Variants in CTSK observed in about 807,000 individuals in gnomAD.
The protein encoded by CTSK is cathepsin O.
In CTSK, 26 loss-of-function variants were observed where a neutral mutation model predicts 40.5. The observed-to-expected ratio is 0.64, with a 90% CI of 0.47 to 0.89. The LOEUF is 0.89. Among genes scored for constraint, CTSK ranks in the 40% least tolerant of loss-of-function variants. CTSK has a pLI of 0.00. For synonymous variants in CTSK, 132 were observed against 143.2 expected (o/e 0.92, Z 0.56); for missense variants, 292 against 400.1 (o/e 0.73, Z 2.30).
At chr1:150,803,608 T>C (rs1557825693) in intron 5 of CTSK, among the ~76,000 whole-genome samples, 3 of 152,208 alleles carry the variant, frequency 2.0e-5, no homozygotes, top group Admixed American at 6.5e-5. Context: ...ATTTTATAGA[T>C]GTTAGCATGT....
chr1:150,803,906 A>T, intron 5 of CTSK, 115 bp downstream of exon 5: 1 of 968,338 alleles, frequency 1.0e-6, no homozygotes. Context: ...TATTCCATCA[A>T]GAAAGCAGGA....
intron 4 of CTSK, 50 bp from the exon 5 acceptor site, chr1:150,804,289 T>C: frequency 7.0e-7 from 1 of 1,430,094 alleles, no homozygotes; most frequent in Non-Finnish European, 9.9e-7. Context: ...ACATTTTCTA[T>C]ATCTTCTCTC....
chr1:150,798,792 CCT>C (rs911059392), intron 7 of CTSK, among the ~76,000 whole-genome samples: 24 of 152,202 alleles, frequency 1.6e-4, no homozygotes, highest in African/African-American at 5.3e-4. Context: ...TCGGCACCTC[CCT>C]CTCTCTCTTG....
chr1:150,801,512 A>AT (rs1349725314), intron 5 of CTSK, among the ~76,000 whole-genome samples: 1 of 150,504 alleles, frequency 6.6e-6, no homozygotes, highest in Non-Finnish European at 1.5e-5. Flanking sequence ...AAAATTAATC[A>AT]TTTTACTAAT....
chr1:150,796,672 G>A lies in CTSK; in HGVS notation c.*127C>T, dbSNP rs587770564. On this transcript the variant is annotated 3_prime_UTR_variant, in exon 8 of 8. Transcript: ENST00000271651. The stretch of plus-strand genomic sequence containing the variant: ...TGAAGCACAAACAAATGGGGAAACT[G>A]AACAGACAATCTCAGTATCACCACA... 6 of 801,526 alleles carry A rather than the reference G, an allele frequency of 7.5e-6. No individual in the cohort carries two copies. Among genetic ancestry groups the A allele is most frequent in the South Asian group, 6.7e-5 (5 of 74,568 alleles). 49.7% of individuals were successfully genotyped at this position (801,526 alleles called of 1,614,324 possible).
In CTSK at chr1:150,804,328, TA is replaced by T. The variant is rs1279002116; in HGVS notation, c.400-90del. The T allele has an allele frequency of 4.6e-6, 5 of 1,079,282 alleles. No individual in the cohort carries two copies. The East Asian group carries it at 1.2e-4, about 27-fold the overall frequency. 66.9% of individuals were successfully genotyped at this position (1,079,282 alleles called of 1,614,324 possible). ...CTGCCTGAAGAAATTCCATGTGTTCTAAAAATTTCAGCACAAATGTTGTCAT... is the reference window on the plus strand; with the variant it reads ...CTGCCTGAAGAAATTCCATGTGTTCTAAAATTTCAGCACAAATGTTGTCAT... On this transcript the variant is annotated intron_variant, in intron 4 of 7. Transcript: ENST00000271651.
chr1:150,799,390 A>C lies in CTSK; in HGVS notation c.785-117T>G, dbSNP rs932310236. ...TCCGTGTCAGGAGGGTTTACCACAG[A>C]GATGCTGCTCCATACTGCAGCAGTT... On this transcript the variant is annotated intron_variant, in intron 6 of 7. Transcript: ENST00000271651. The C allele has an allele frequency of 5.8e-6, 7 of 1,209,394 alleles. No individual in the cohort carries two copies. The Admixed American group carries it at 1.0e-4, about 18-fold the overall frequency. The allele number at this position is 1,209,394 out of a possible 1,614,324, so 74.9% of individuals were successfully genotyped here.
chr1:150,798,514 G>A (rs942768790), intron 7 of CTSK, among the ~76,000 whole-genome samples: 9 of 152,254 alleles, frequency 5.9e-5, no homozygotes, highest in East Asian at 1.9e-4. Context: ...TCATCTGCTC[G>A]TTGGTTTATG....
chr1:150,806,857 A>G, intron 1 of CTSK, 51 bp from the exon 2 acceptor site: 1 of 1,605,826 alleles, frequency 6.2e-7, no homozygotes, highest in South Asian at 1.1e-5. Flanking sequence ...AGGGAAACAG[A>G]GGAAAACTAG....
At chr1:150,802,455 G>C (rs1654012213) in intron 5 of CTSK, among the ~76,000 whole-genome samples, 1 of 152,022 alleles carries the variant, frequency 6.6e-6, no homozygotes. Context: ...GTCTCACTCT[G>C]TCACCCAGGC....
intron 4 of CTSK, among the ~76,000 whole-genome samples, chr1:150,805,260 C>A (rs1020392232): frequency 3.4e-4 from 51 of 147,906 alleles, no homozygotes; most frequent in Non-Finnish European, 2.8e-4. Context: ...TGTGACCTAA[C>A]AATTCCAATT....
At chr1:150,798,269 G>A (rs1019376184) in intron 7 of CTSK, among the ~76,000 whole-genome samples, 5 of 151,982 alleles carry the variant, frequency 3.3e-5, no homozygotes, top group East Asian at 1.9e-4. Context: ...TCTTATATAC[G>A]TGTATCTTAA....
At chr1:150,803,055 A>T (rs1397695790) in intron 5 of CTSK, among the ~76,000 whole-genome samples, 1 of 152,234 alleles carries the variant, frequency 6.6e-6, no homozygotes, top group Non-Finnish European at 1.5e-5. Flanking sequence ...TTTGGCAAAC[A>T]ATTTGACATT....
At chr1:150,797,034 C>A in intron 7 of CTSK, 136 bp from the exon 8 acceptor site, 1 of 721,634 alleles carries the variant, frequency 1.4e-6, no homozygotes, top group South Asian at 1.5e-5. Context: ...AGTTTAAAGT[C>A]AAGAAATAGG....
At chr1:150,797,963 A>C (rs1379157056) in intron 7 of CTSK, among the ~76,000 whole-genome samples, 2 of 152,160 alleles carry the variant, frequency 1.3e-5, no homozygotes, top group Non-Finnish European at 2.9e-5. Flanking sequence ...GGTTTGAACA[A>C]CACCACTGCG....
At chr1:150,802,066 T>C (rs1571125106) in intron 5 of CTSK, among the ~76,000 whole-genome samples, 1 of 143,858 alleles carries the variant, frequency 7.0e-6, no homozygotes, top group Non-Finnish European at 1.5e-5. Flanking sequence ...CCACCTGAGG[T>C]CAGGGGTTCA....
intron 7 of CTSK, among the ~76,000 whole-genome samples, chr1:150,798,835 C>T (rs587700630): frequency 2.0e-5 from 3 of 152,342 alleles, no homozygotes; most frequent in African/African-American, 4.8e-5. Flanking sequence ...CATGCCTGCT[C>T]CCTCTTTTGC....
At chr1:150,801,029 T>A (rs992276282) in intron 5 of CTSK, 2 of 151,646 alleles carry the variant, frequency 1.3e-5, no homozygotes, top group Non-Finnish European at 2.9e-5. Context: ...AGATATTATG[T>A]GATGATACTT....
chr1:150,807,157 G>GAC (rs2101954862), intron 1 of CTSK: 1 of 442,338 alleles, frequency 2.3e-6, no homozygotes, highest in East Asian at 6.2e-5. Context: ...ATAGAAACTG[G>GAC]ACAATCAGAA....
Sources: allele counts gnomAD v4.1 joint callset (sites outside exome capture counted in the v4.1 genomes callset), GRCh38; gene constraint gnomAD v4.1.1; transcripts MANE v1.5; gene names NCBI Gene and HGNC (gene_info 2026-07-23, HGNC 2026-07-21).